MYCN: variants seen among roughly 807,000 people sequenced by gnomAD.
MYCN encodes N-myc proto-oncogene protein.
Under a neutral mutation model 28.1 loss-of-function variants are expected in MYCN, and 3 were observed. That is an observed-to-expected ratio of 0.11 (90% CI 0.05 to 0.28). The LOEUF is 0.28. Among genes scored for constraint, MYCN ranks in the 10% least tolerant of loss-of-function variants. The pLI is 1.00. For synonymous variants in MYCN, 326 were observed against 288.3 expected (o/e 1.13, Z -1.32); for missense variants, 572 against 651.4 (o/e 0.88, Z 1.33).
chr2:15,940,564 A>G lies in MYCN; in HGVS notation c.-297A>G, dbSNP rs1662601504. 2.5e-6 allele frequency: 1 copy of G among 398,748 alleles called. No individual in the cohort carries two copies. Among genetic ancestry groups the G allele is most frequent in the African/African-American group, 2.1e-5 (1 of 48,312 alleles). 24.7% of individuals were successfully genotyped at this position (398,748 alleles called of 1,614,324 possible). ...CTTCAAAGCGCAGGCTGTGACAGTC[A>G]TCTGTCTGGACGCGCTGGGTGGATG... On this transcript the variant is annotated 5_prime_UTR_variant, in exon 1 of 3. Transcript: ENST00000281043.
chr2:15,942,377 C>G lies in MYCN; in HGVS notation c.313C>G (p.Leu105Val). The change falls in exon 2 of 3, where the codon CTC becomes GTC. Residue 105 changes from leucine (L) to valine (V), a missense_variant. Coordinates refer to ENST00000281043, the MANE Select transcript of MYCN (RefSeq NM_005378.6). This position sits in a 1 kb window ranked among gnomAD's most constrained non-coding sequence, Gnocchi z 7.0. ...GTTCGGCCTGGGGGGACTGGGTGGCCTCACCCCCAACCCGGTCATCCTCCA... is the reference window on the plus strand; with the variant it reads ...GTTCGGCCTGGGGGGACTGGGTGGCGTCACCCCCAACCCGGTCATCCTCCA... ...DAFGLGGLGG[L>V]TPNPVILQDC... The G allele has an allele frequency of 6.2e-7, 1 of 1,607,210 alleles. No individual in the cohort carries two copies. The highest frequency in any genetic ancestry group is 1.1e-5 in the South Asian group (1 of 90,360).
At chr2:15,943,734 G>GGC (rs1296944329) in intron 2 of MYCN, among the ~76,000 whole-genome samples, 4 of 152,170 alleles carry the variant, frequency 2.6e-5, no homozygotes, top group Non-Finnish European at 5.9e-5. Flanking sequence ...TGAAGGTGAG[G>GGC]GCAGGCACTC....
rs936176363 is a variant in MYCN, at chr2:15,946,442, T to A, written c.*345T>A. ...CCTTCTTTTTAAAATGGTGCTTAAG[T>A]TCCAGCAGATGCCACATAAGGGGTT... On this transcript the variant is annotated 3_prime_UTR_variant, in exon 3 of 3. Transcript: ENST00000281043. 1 of 430,136 alleles carries A rather than the reference T, an allele frequency of 2.3e-6. No individual in the cohort carries two copies. The highest frequency in any genetic ancestry group is 2.0e-5 in the African/African-American group (1 of 51,066). The allele number at this position is 430,136 out of a possible 1,614,324, so 26.6% of individuals were successfully genotyped here. A position where few individuals can be genotyped will look rare whatever the true frequency, so the allele number is the denominator to read the frequency against.
Position 15,946,227 on chromosome 2 carries a change from G to T in MYCN, c.*130G>T. The T allele has an allele frequency of 7.5e-7, 1 of 1,341,456 alleles. No homozygotes were observed. Among genetic ancestry groups the T allele is most frequent in the Non-Finnish European group, 1.0e-6 (1 of 958,940 alleles). The allele number at this position is 1,341,456 out of a possible 1,614,324, so 83.1% of individuals were successfully genotyped here. Reference sequence around the variant, plus strand: ...TCCCCTGTCGAGTTCGGCTCTGGGTGGGCAGTAGGACCACCAGTGTGGGGT... The same window carrying T: ...TCCCCTGTCGAGTTCGGCTCTGGGTTGGCAGTAGGACCACCAGTGTGGGGT... On this transcript the variant is annotated 3_prime_UTR_variant, in exon 3 of 3. Coordinates refer to ENST00000281043, the MANE Select transcript of MYCN (RefSeq NM_005378.6).
At position 15,941,999 on chromosome 2, in the gene MYCN, G is replaced by A. The variant is rs1662691640; in HGVS notation, c.-66G>A. The A allele has an allele frequency of 6.3e-7, 1 of 1,599,162 alleles. No homozygotes were observed. The highest frequency in any genetic ancestry group is 1.7e-5 in the Admixed American group (1 of 58,498). On this transcript the variant is annotated 5_prime_UTR_variant, in exon 2 of 3. Transcript: ENST00000281043. The surrounding 1 kb of genome is among the most constrained non-coding windows in gnomAD (Gnocchi z 4.8). ...CTTCCGCGCCCCCCACGGGAAGGAA[G>A]CACCCCCGGTATTAAAACGAACGGG...
Position 15,945,984 on chromosome 2 carries a change from G to C in MYCN, c.1282G>C (p.Glu428Gln). ...AKVVILKKAT[E>Q]YVHSLQAEEH... ...GGTGGTCATTTTGAAAAAGGCCACTGAGTATGTCCACTCCCTCCAGGCCGA... is the reference window on the plus strand; with the variant it reads ...GGTGGTCATTTTGAAAAAGGCCACTCAGTATGTCCACTCCCTCCAGGCCGA... The change falls in exon 3 of 3, where the codon GAG (glutamate) becomes CAG (glutamine). Residue 428 changes from glutamate to glutamine, a missense_variant. Physicochemically the swap from Glu to Gln is conservative, Grantham distance 29. This residue lies in a region of MYCN where 61 missense variants were observed against 81.6 expected (regional missense o/e 0.75). Transcript: ENST00000281043. The surrounding 1 kb of genome is among the most constrained non-coding windows in gnomAD (Gnocchi z 4.8). The C allele has an allele frequency of 6.2e-7, 1 of 1,614,186 alleles. No individual in the cohort carries two copies. The highest frequency in any genetic ancestry group is 1.3e-5 in the African/African-American group (1 of 75,056).
Position 15,946,829 on chromosome 2 carries a change from A to G in MYCN, c.*732A>G, listed in dbSNP as rs1662886968. The stretch of plus-strand genomic sequence containing the variant: ...TTGTAAAGAAATTTACTATATATAT[A>G]TGCCTTTTTCCTAGCCTGTTTCTTC... On this transcript the variant is annotated 3_prime_UTR_variant, in exon 3 of 3. Coordinates refer to ENST00000281043, the MANE Select transcript of MYCN (RefSeq NM_005378.6). 4.5e-6 allele frequency: 1 copy of G among 220,004 alleles called. No homozygotes were observed. The highest frequency in any genetic ancestry group is 1.8e-4 in the South Asian group (1 of 5,430). 13.6% of individuals were successfully genotyped at this position (220,004 alleles called of 1,614,324 possible). A position where few individuals can be genotyped will look rare whatever the true frequency, so the allele number is the denominator to read the frequency against.
rs1246081024 is a variant in MYCN, at chr2:15,945,625, T to G, written c.923T>G (p.Leu308Arg). The part of the protein sequence containing the change: ...TITVRPKNAA[L>R]GPGRAQSSEL... ...ACTGTGCGTCCCAAGAACGCAGCCCTGGGTCCCGGGAGGGCTCAGTCCAGC... is the reference window on the plus strand; with the variant it reads ...ACTGTGCGTCCCAAGAACGCAGCCCGGGGTCCCGGGAGGGCTCAGTCCAGC... Residue 308 changes from leucine (L) to arginine (R), a missense_variant, in exon 3 of 3, where the codon CTG becomes CGG. Leu to Arg is a moderately radical substitution (Grantham distance 102). Around this residue, in one of 3 missense-constraint regions of MYCN, gnomAD observed 499 missense variants for 524.3 expected, o/e 0.95. Coordinates refer to ENST00000281043, the MANE Select transcript of MYCN (RefSeq NM_005378.6). This position sits in a 1 kb window ranked among gnomAD's most constrained non-coding sequence, Gnocchi z 4.8. 3 of 1,614,050 alleles carry G rather than the reference T, an allele frequency of 1.9e-6. No homozygotes were observed. The Admixed American group carries it at 5.0e-5, about 27-fold the overall frequency.
chr2:15,945,513 G>A lies in MYCN; in HGVS notation c.811G>A (p.Glu271Lys). The A allele has an allele frequency of 3.1e-6, 5 of 1,611,652 alleles. No individual in the cohort carries two copies. The highest frequency in any genetic ancestry group is 4.2e-6 in the Non-Finnish European group (5 of 1,178,890). The change falls in exon 3 of 3, where the codon GAA becomes AAA. Residue 271 changes from glutamate (E) to lysine (K), a missense_variant. This residue lies in a region of MYCN where 499 missense variants were observed against 524.3 expected (regional missense o/e 0.95). Transcript: ENST00000281043. The surrounding 1 kb of genome is among the most constrained non-coding windows in gnomAD (Gnocchi z 4.8). ...CTCAGATGATGAAGATGATGAAGAG[G>A]AAGATGAAGAGGAAGAAATCGACGT... ...SDSDDEDDEE[E>K]DEEEEIDVVT...
At chr2:15,943,859 G>C (rs1662788936) in intron 2 of MYCN, among the ~76,000 whole-genome samples, 1 of 152,160 alleles carries the variant, frequency 6.6e-6, no homozygotes, top group Non-Finnish European at 1.5e-5. Context: ...CTTTCCCTGG[G>C]GGTCTGGATG....
intron 1 of MYCN, chr2:15,940,954 A>C (rs1662632512): frequency 2.5e-6 from 1 of 394,910 alleles, no homozygotes; most frequent in East Asian, 3.6e-5. Flanking sequence ...GACCCGCCCT[A>C]ATCCTTTTGC....
At chr2:15,943,448 C>G (rs2103327618) in intron 2 of MYCN, among the ~76,000 whole-genome samples, 1 of 143,714 alleles carries the variant, frequency 7.0e-6, no homozygotes, top group South Asian at 2.3e-4. Context: ...CTTCCCCCAT[C>G]CTCGGTGGGT....
In MYCN at chr2:15,945,694, A is replaced by G; in HGVS notation, c.992A>G (p.Asn331Ser). 1 of 1,614,126 alleles carries G rather than the reference A, an allele frequency of 6.2e-7. No homozygotes were observed. Among genetic ancestry groups the G allele is most frequent in the Non-Finnish European group, 8.5e-7 (1 of 1,179,996 alleles). The part of the protein sequence containing the change: ...KRCLPIHQQH[N>S]YAAPSPYVES... Reference sequence around the variant, plus strand: ...TGCCTTCCCATCCACCAGCAGCACAACTATGCCGCCCCCTCTCCCTACGTG... The same window carrying G: ...TGCCTTCCCATCCACCAGCAGCACAGCTATGCCGCCCCCTCTCCCTACGTG... The change falls in exon 3 of 3, where the codon AAC becomes AGC. Residue 331 changes from asparagine (N) to serine (S), a missense_variant. Transcript: ENST00000281043. This position sits in a 1 kb window ranked among gnomAD's most constrained non-coding sequence, Gnocchi z 4.8.
In MYCN at chr2:15,942,587, C is replaced by T; in HGVS notation, c.523C>T (p.Leu175=). ...GGGAGCCGGCCGCGCCGGGGCCGCC[C>T]TGCCCGCCGAGCTCGCCCACCCGGC... ...AAGAGRAGAA[L]PAELAHPAAE... Residue 175 remains leucine, a synonymous_variant, in exon 2 of 3, where the codon CTG becomes TTG. Transcript: ENST00000281043. This position sits in a 1 kb window ranked among gnomAD's most constrained non-coding sequence, Gnocchi z 7.0. The T allele has an allele frequency of 9.3e-7, 1 of 1,069,720 alleles. No individual in the cohort carries two copies. The highest frequency in any genetic ancestry group is 4.3e-5 in the South Asian group (1 of 23,052). The allele number at this position is 1,069,720 out of a possible 1,614,324, so 66.3% of individuals were successfully genotyped here.
In MYCN at chr2:15,942,352, G is replaced by A. The variant is rs1662712732; in HGVS notation, c.288G>A (p.Ala96=). 4 of 1,607,094 alleles carry A rather than the reference G, an allele frequency of 2.5e-6. No individual in the cohort carries two copies. The South Asian group carries it at 4.4e-5, about 18-fold the overall frequency. ...GGGGCAGCCCGGCCGAGGAGGACGC[G>A]TTCGGCCTGGGGGGACTGGGTGGCC... The part of the protein sequence containing the change: ...ELWGSPAEED[A]FGLGGLGGLT... The change falls in exon 2 of 3, where the codon GCG becomes GCA. Residue 96 remains alanine, a synonymous_variant. Coordinates refer to ENST00000281043, the MANE Select transcript of MYCN (RefSeq NM_005378.6). This position sits in a 1 kb window ranked among gnomAD's most constrained non-coding sequence, Gnocchi z 7.0.
intron 2 of MYCN, among the ~76,000 whole-genome samples, chr2:15,943,925 A>AC (rs907190430): frequency 9.9e-5 from 15 of 152,094 alleles, no homozygotes; most frequent in African/African-American, 2.9e-4. Context: ...GGGAGCTGGG[A>AC]CCCCCCTTGG....
chr2:15,940,695 G>A lies in MYCN; in HGVS notation c.-166G>A, dbSNP rs1013325824. 4 of 224,544 alleles carry A rather than the reference G, an allele frequency of 1.8e-5. No homozygotes were observed. Among genetic ancestry groups the A allele is most frequent in the Non-Finnish European group, 2.6e-5 (3 of 115,860 alleles). The allele number at this position is 224,544 out of a possible 1,614,324, so 13.9% of individuals were successfully genotyped here. The stretch of plus-strand genomic sequence containing the variant: ...ACACCCCCGCCCCCCCGGCCCACCC[G>A]GAGACACCCGCGCAGAATCGCCTCC... On this transcript the variant is annotated 5_prime_UTR_variant, in exon 1 of 3. Coordinates refer to ENST00000281043, the MANE Select transcript of MYCN (RefSeq NM_005378.6).
rs1316024733 is a variant in MYCN, at chr2:15,946,989, A to G, written c.*892A>G. ...AAATACCTCATGTTTATGAAAATAA[A>G]TAGCTTAAAATTAAATGATGCAACT... On this transcript the variant is annotated 3_prime_UTR_variant, in exon 3 of 3. Coordinates refer to ENST00000281043, the MANE Select transcript of MYCN (RefSeq NM_005378.6). 2 of 193,504 alleles carry G rather than the reference A, an allele frequency of 1.0e-5. No individual in the cohort carries two copies. Among genetic ancestry groups the G allele is most frequent in the Non-Finnish European group, 1.1e-5 (1 of 92,514 alleles). 12.0% of individuals were successfully genotyped at this position (193,504 alleles called of 1,614,324 possible). A position where few individuals can be genotyped will look rare whatever the true frequency, so the allele number is the denominator to read the frequency against.
chr2:15,944,960 A>G (rs924668076), intron 2 of MYCN, among the ~76,000 whole-genome samples: 4 of 135,856 alleles, frequency 2.9e-5, no homozygotes, highest in African/African-American at 1.2e-4. Context: ...ATATATATAC[A>G]TACATATATG....
Sources: gnomAD v4.1 joint callset for allele counts (sites outside exome capture counted in the v4.1 genomes callset) on GRCh38, gnomAD v4.1.1 for gene constraint, gnomAD v4.1.1 regional missense constraint, Gnocchi (gnomAD v3.1) non-coding constraint, MANE v1.5 for transcripts, NCBI Gene and HGNC (gene_info 2026-07-23, HGNC 2026-07-21) for gene names.